Variants in OTOA observed in about 807,000 individuals in gnomAD.
The protein encoded by OTOA is cancer/testis antigen 108.
A neutral mutation model predicts 110.8 loss-of-function variants in OTOA; 70 were observed. That is an observed-to-expected ratio of 0.63 (90% CI 0.52 to 0.77). The LOEUF (loss-of-function observed/expected upper bound fraction) is 0.77, where lower values mean the gene tolerates loss of function less well. Among genes scored for constraint, OTOA ranks in the 30% least tolerant of loss-of-function variants. The pLI is 0.00. For synonymous variants in OTOA, 373 were observed against 431.5 expected (o/e 0.86, Z 1.68); for missense variants, 917 against 1,075.8 (o/e 0.85, Z 2.06).
At chr16:21,707,625 C>CTTTCTTTCT (rs1555499024) in intron 12 of OTOA, among the ~76,000 whole-genome samples, 2 of 95,492 alleles carry the variant, frequency 2.1e-5, no homozygotes, top group African/African-American at 6.3e-5. Context: ...TTCTTTCTTT[C>CTTTCTTTCT]TTTCTTTCTT....
At chr16:21,695,258 A>G (rs1897909665) in intron 9 of OTOA, among the ~76,000 whole-genome samples, 2 of 135,506 alleles carry the variant, frequency 1.5e-5, no homozygotes, top group African/African-American at 2.7e-5. Context: ...TTAAAAGATT[A>G]GCCTGATGTG....
At chr16:21,687,871 C>A (rs1897751381) in intron 8 of OTOA, among the ~76,000 whole-genome samples, 1 of 150,772 alleles carries the variant, frequency 6.6e-6, no homozygotes, top group South Asian at 2.2e-4. Flanking sequence ...ACCATGTTGG[C>A]CAGGCTGGTT....
At chr16:21,676,234 G>T (rs1031514967) in intron 1 of OTOA, among the ~76,000 whole-genome samples, 9 of 152,044 alleles carry the variant, frequency 5.9e-5, no homozygotes, top group Admixed American at 6.6e-5. Flanking sequence ...GATAATTTTT[G>T]ATTAGATCTG....
At chr16:21,692,170 T>C (rs1383411107) in intron 9 of OTOA, among the ~76,000 whole-genome samples, 1 of 151,946 alleles carries the variant, frequency 6.6e-6, no homozygotes, top group East Asian at 1.9e-4. Flanking sequence ...CTACTAAAAA[T>C]ACAAAGATTA....
chr16:21,696,144 C>T (rs1012420058), intron 9 of OTOA, among the ~76,000 whole-genome samples: 3 of 151,756 alleles, frequency 2.0e-5, no homozygotes, highest in Admixed American at 1.3e-4. Flanking sequence ...CCACCTGCCT[C>T]GGCCTCCCAA....
intron 8 of OTOA, 148 bp downstream of exon 8, chr16:21,687,796 G>C: frequency 4.0e-6 from 3 of 744,264 alleles, no homozygotes; most frequent in South Asian, 1.7e-5. Context: ...ATTCCAAGTA[G>C]CTGGGACTAC....
chr16:21,734,823 G>A (rs138012750), intron 21 of OTOA, among the ~76,000 whole-genome samples: 17 of 151,174 alleles, frequency 1.1e-4, no homozygotes, highest in Middle Eastern at 6.8e-3. Flanking sequence ...GTGATAGAGC[G>A]AGACTCCGTC....
At chr16:21,674,642 GT>G (rs79596787) in intron 1 of OTOA, among the ~76,000 whole-genome samples, 26,860 of 144,982 alleles carry the variant, frequency 0.19, 3,508 homozygotes, top group African/African-American at 0.36. Context: ...CTTCATTATG[GT>G]TTTTTTTTTT....
chr16:21,756,590 C>T (rs1303653723), intron 27 of OTOA, among the ~76,000 whole-genome samples: 1 of 152,070 alleles, frequency 6.6e-6, no homozygotes, highest in Non-Finnish European at 1.5e-5. Flanking sequence ...CACTGGGAAG[C>T]TGTCCTGCAT....
chr16:21,732,137 T>G (rs1210597092), intron 21 of OTOA, among the ~76,000 whole-genome samples: 1 of 152,010 alleles, frequency 6.6e-6, no homozygotes, highest in Non-Finnish European at 1.5e-5. Context: ...AGCTAATTTT[T>G]ATATTTTTAG....
intron 1 of OTOA, among the ~76,000 whole-genome samples, chr16:21,670,895 C>T (rs956156036): frequency 2.8e-4 from 43 of 151,956 alleles, no homozygotes; most frequent in African/African-American, 9.7e-5. Context: ...TCCTCTGGGC[C>T]GAGGAACAGC....
intron 8 of OTOA, 40 bp from the exon 9 acceptor site, chr16:21,691,544 C>G (rs1897829081): frequency 6.5e-7 from 1 of 1,548,506 alleles, no homozygotes; most frequent in South Asian, 1.1e-5. Context: ...CAGCCCCCAC[C>G]TGCTTGTTAT....
chr16:21,705,155 C>T lies in OTOA; in HGVS notation c.981-14C>T, dbSNP rs373784008. 12 of 1,614,064 alleles carry T rather than the reference C, an allele frequency of 7.4e-6. No homozygotes were observed. In the African/African-American group the frequency reaches 1.5e-4, roughly 20 times the overall value. On this transcript the variant is annotated splice_polypyrimidine_tract_variant and intron_variant, in intron 11 of 28. Transcript: ENST00000646100. ...GGTTACACCTCCACCACCATCCCTC[C>T]TCTTCTCACACAGGCTGGGGCTGCT...
chr16:21,735,911 C>T (rs535298643), intron 21 of OTOA, among the ~76,000 whole-genome samples: 1 of 152,022 alleles, frequency 6.6e-6, no homozygotes, highest in Non-Finnish European at 1.5e-5. Context: ...CATTTTTTGT[C>T]GATATTACCA....
chr16:21,676,897 A>G (rs1244738810), intron 1 of OTOA, among the ~76,000 whole-genome samples: 1 of 152,236 alleles, frequency 6.6e-6, no homozygotes, highest in African/African-American at 2.4e-5. Context: ...TTCCTTGCTC[A>G]GGGATCTCAG....
chr16:21,705,130 G>A (rs767994174), intron 11 of OTOA, 39 bp from the exon 12 acceptor site: 2 of 1,613,956 alleles, frequency 1.2e-6, no homozygotes, highest in East Asian at 2.2e-5. Flanking sequence ...CTGGTTCTGC[G>A]GTTACACCTC....
chr16:21,672,784 A>G (rs1389556988), intron 1 of OTOA, among the ~76,000 whole-genome samples: 2 of 152,108 alleles, frequency 1.3e-5, no homozygotes, highest in East Asian at 3.8e-4. Flanking sequence ...CCTTCTAGCT[A>G]TTTGAAACTA....
intron 9 of OTOA, 94 bp from the exon 10 acceptor site, chr16:21,697,681 T>A: frequency 8.9e-7 from 1 of 1,117,684 alleles, no homozygotes; most frequent in Non-Finnish European, 1.4e-6. Flanking sequence ...AAGAAGTAGG[T>A]CTTGACAGCA....
At chr16:21,690,326 C>T (rs551869475) in intron 8 of OTOA, among the ~76,000 whole-genome samples, 12 of 152,080 alleles carry the variant, frequency 7.9e-5, no homozygotes, top group Admixed American at 4.6e-4. Flanking sequence ...AGATATTTTT[C>T]CTAATGCTCT....
Sources: gnomAD v4.1 joint callset for allele counts (sites outside exome capture counted in the v4.1 genomes callset) on GRCh38, gnomAD v4.1.1 for gene constraint, MANE v1.5 for transcripts, NCBI Gene and HGNC (gene_info 2026-07-23, HGNC 2026-07-21) for gene names.